Variants in PCDHGA10 observed in about 807,000 individuals in gnomAD.
PCDHGA10 encodes protocadherin gamma subfamily A, 10.
PCDHGA10 carries 42 observed loss-of-function variants against 59.5 expected under a neutral mutation model. That is an observed-to-expected ratio of 0.71 (90% CI 0.55 to 0.91). The LOEUF (loss-of-function observed/expected upper bound fraction) is 0.91, where lower values mean the gene tolerates loss of function less well. Among genes scored for constraint, PCDHGA10 ranks in the 40% least tolerant of loss-of-function variants. The probability of loss-of-function intolerance (pLI) is 0.00; values close to 1 mark genes in which losing one functional copy is unlikely to be tolerated. For synonymous variants in PCDHGA10, 511 were observed against 517.2 expected (o/e 0.99, Z 0.16); for missense variants, 1,111 against 1,198.2 (o/e 0.93, Z 1.07).
In PCDHGA10 at chr5:141,476,853, A is replaced by G; in HGVS notation, c.2437-17954A>G. ...AATGACAATGCGCCTGTCTTCAACCAGTCCTTGTACCGGGCGCGCGTCCTG... is the reference window on the plus strand; with the variant it reads ...AATGACAATGCGCCTGTCTTCAACCGGTCCTTGTACCGGGCGCGCGTCCTG... On this transcript the variant is annotated intron_variant, in intron 1 of 3. Coordinates refer to ENST00000398610, the MANE Select transcript of PCDHGA10 (RefSeq NM_018913.3). This position sits in a 1 kb window ranked among gnomAD's most constrained non-coding sequence, Gnocchi z 7.6. The G allele has an allele frequency of 6.2e-7, 1 of 1,613,870 alleles. No individual in the cohort carries two copies. Among genetic ancestry groups the G allele is most frequent in the Non-Finnish European group, 8.5e-7 (1 of 1,180,042 alleles).
intron 2 of PCDHGA10, among the ~76,000 whole-genome samples, chr5:141,499,029 A>G (rs140948405): frequency 1.5e-3 from 205 of 140,068 alleles, no homozygotes; most frequent in African/African-American, 5.5e-3. Context: ...AGGAAGGAAG[A>G]AAAGAAAGAA....
At chr5:141,494,188 T>C (rs2099752632) in intron 1 of PCDHGA10, among the ~76,000 whole-genome samples, 1 of 152,186 alleles carries the variant, frequency 6.6e-6, no homozygotes, top group South Asian at 2.1e-4. Flanking sequence ...GTCCCGGGAC[T>C]TGGATGCCCC....
chr5:141,431,355 C>T lies in PCDHGA10; in HGVS notation c.2436+15744C>T. 1 of 1,614,054 alleles carries T rather than the reference C, an allele frequency of 6.2e-7. No homozygotes were observed. Among genetic ancestry groups the T allele is most frequent in the South Asian group, 1.1e-5 (1 of 91,082 alleles). ...TACCCCGAATTGGTGCTGAAACGCG[C>T]CCTGGACCGCGAAGAAAAGGCTGCT... On this transcript the variant is annotated intron_variant, in intron 1 of 3. Transcript: ENST00000398610. The surrounding 1 kb of genome is among the most constrained non-coding windows in gnomAD (Gnocchi z 4.8).
At chr5:141,438,765 G>A (rs1012158127) in intron 1 of PCDHGA10, among the ~76,000 whole-genome samples, 5 of 149,658 alleles carry the variant, frequency 3.3e-5, no homozygotes, top group Middle Eastern at 3.4e-3. Context: ...GGGTTCAAGC[G>A]ATTCTCCTGC....
chr5:141,481,436 T>C (rs775003998), intron 1 of PCDHGA10, among the ~76,000 whole-genome samples: 5 of 152,220 alleles, frequency 3.3e-5, no homozygotes, highest in South Asian at 2.1e-4. Flanking sequence ...ATTGTATCAG[T>C]TTAGTACATG....
At position 141,491,711 on chromosome 5, in the gene PCDHGA10, C is replaced by T. The variant is rs528931820; in HGVS notation, c.2437-3096C>T. 1.5e-5 allele frequency: 24 copies of T among 1,609,240 alleles called. No homozygotes were observed. In the African/African-American group the frequency reaches 1.7e-4, roughly 12 times the overall value. On this transcript the variant is annotated intron_variant, in intron 1 of 3. Transcript: ENST00000398610. This position sits in a 1 kb window ranked among gnomAD's most constrained non-coding sequence, Gnocchi z 6.9. ...CGGGAGCGGAGCCAGGTGAGGGGCT[C>T]GGCGCCGCCCCGGGCGACCCCTGGG... is the stretch of plus-strand genomic sequence containing the variant.
chr5:141,425,483 C>A (rs1172308088), intron 1 of PCDHGA10, among the ~76,000 whole-genome samples: 2 of 152,304 alleles, frequency 1.3e-5, no homozygotes, highest in Non-Finnish European at 2.9e-5. Flanking sequence ...CTATGGCAAC[C>A]TACTAGGCTA....
chr5:141,501,328 CACACA>C (rs1562200832), intron 2 of PCDHGA10, among the ~76,000 whole-genome samples: 17 of 151,710 alleles, frequency 1.1e-4, no homozygotes, highest in African/African-American at 1.9e-4. Context: ...CACACACACA[CACACA>C]CCCCAAACTC....
intron 1 of PCDHGA10, chr5:141,421,333 G>A (rs1458277535): frequency 2.5e-6 from 4 of 1,613,850 alleles, no homozygotes; most frequent in Admixed American, 1.7e-5. Flanking sequence ...CCGATATTCG[G>A]TGCCAGAAGA....
chr5:141,428,173 C>G, intron 1 of PCDHGA10: 1 of 1,514,730 alleles, frequency 6.6e-7, no homozygotes. Context: ...CTGTGCGTGA[C>G]GGAGGACAGC....
chr5:141,444,893 G>T (rs1238224263), intron 1 of PCDHGA10, among the ~76,000 whole-genome samples: 1 of 152,160 alleles, frequency 6.6e-6, no homozygotes, highest in Admixed American at 6.5e-5. Flanking sequence ...TTTTGAATGG[G>T]ATGGCATTGC....
chr5:141,422,996 C>G lies in PCDHGA10; in HGVS notation c.2436+7385C>G. 1.2e-6 allele frequency: 2 copies of G among 1,614,224 alleles called. No homozygotes were observed. The highest frequency in any genetic ancestry group is 1.7e-6 in the Non-Finnish European group (2 of 1,180,046). On this transcript the variant is annotated intron_variant, in intron 1 of 3. Coordinates refer to ENST00000398610, the MANE Select transcript of PCDHGA10 (RefSeq NM_018913.3). ...TCTGCGGAACCTGGCTACCTGGTGA[C>G]CAAGGTGGTTGCGGTGGACAAAGAT...
chr5:141,429,390 A>ATT (rs1561841316), intron 1 of PCDHGA10, among the ~76,000 whole-genome samples: 8 of 150,216 alleles, frequency 5.3e-5, no homozygotes, highest in African/African-American at 1.7e-4. Flanking sequence ...TTTTTTTTAA[A>ATT]AAAAATTGAG....
chr5:141,442,149 T>C, intron 1 of PCDHGA10: 1 of 159,274 alleles, frequency 6.3e-6, no homozygotes, highest in Non-Finnish European at 1.4e-5. Flanking sequence ...CTGCCAGACC[T>C]CAGCGATCAC....
rs374200575 is a variant in PCDHGA10, at chr5:141,432,105, C to T, written c.2436+16494C>T. On this transcript the variant is annotated intron_variant, in intron 1 of 3. Transcript: ENST00000398610. The surrounding 1 kb of genome is among the most constrained non-coding windows in gnomAD (Gnocchi z 6.0). ...AACGTGGCAGACACCAACGACAACC[C>T]GCCGGTCTTCCCTCAGGCCTCCTAT... 1.9e-6 allele frequency: 3 copies of T among 1,614,172 alleles called. No homozygotes were observed. Among genetic ancestry groups the T allele is most frequent in the Admixed American group, 3.3e-5 (2 of 60,032 alleles).
intron 1 of PCDHGA10, chr5:141,475,839 CAG>C: frequency 2.3e-6 from 1 of 433,254 alleles, no homozygotes; most frequent in Non-Finnish European, 4.1e-6. Flanking sequence ...GTGTCCTGCT[CAG>C]AGAGCCCGGC....
At chr5:141,505,353 G>A (rs376781305) in intron 2 of PCDHGA10, 40 bp from the exon 3 acceptor site, 51 of 1,613,426 alleles carry the variant, frequency 3.2e-5, no homozygotes, top group East Asian at 2.7e-4. Flanking sequence ...GAGCTGTGCC[G>A]GCCTGGGAGT....
chr5:141,414,193 A>C lies in PCDHGA10; in HGVS notation c.1018A>C (p.Thr340Pro). 1 of 1,610,884 alleles carries C rather than the reference A, an allele frequency of 6.2e-7. No individual in the cohort carries two copies. The highest frequency in any genetic ancestry group is 1.7e-5 in the Admixed American group (1 of 59,514). ...AYLATAKVLI[T>P]VEDVNDNSPE... ...TCTTGCAACTGCAAAAGTGTTGATTACAGTAGAAGATGTAAATGACAACAG... is the reference window on the plus strand; with the variant it reads ...TCTTGCAACTGCAAAAGTGTTGATTCCAGTAGAAGATGTAAATGACAACAG... Residue 340 changes from threonine to proline, a missense_variant, in exon 1 of 4, where the codon ACA becomes CCA. Transcript: ENST00000398610.
chr5:141,423,626 T>C (rs745796529), intron 1 of PCDHGA10: 1 of 1,606,498 alleles, frequency 6.2e-7, no homozygotes, highest in South Asian at 1.1e-5. Context: ...GACTCAGCTA[T>C]CATTTTAGGC....
Sources: allele counts gnomAD v4.1 joint callset (sites outside exome capture counted in the v4.1 genomes callset), GRCh38; gene constraint gnomAD v4.1.1; non-coding constraint Gnocchi (gnomAD v3.1); transcripts MANE v1.5; gene names NCBI Gene and HGNC (gene_info 2026-07-23, HGNC 2026-07-21).